WDR7: variants seen among roughly 807,000 people sequenced by gnomAD.
The protein encoded by WDR7 is WD repeat domain 7.
A neutral mutation model predicts 169.4 loss-of-function variants in WDR7; 46 were observed. The observed-to-expected ratio is 0.27, with a 90% CI of 0.21 to 0.35. The LOEUF is 0.35. Among genes scored for constraint, WDR7 ranks in the 10% least tolerant of loss-of-function variants. The pLI, the probability that WDR7 is intolerant of heterozygous loss-of-function variation, is 1.00. For missense variants in WDR7, 1,534 were observed against 1,859.3 expected (o/e 0.83, Z 3.22); for synonymous variants, 612 against 666.8 (o/e 0.92, Z 1.27).
chr18:56,989,407 T>C (rs903333755), intron 26 of WDR7, among the ~76,000 whole-genome samples: 4 of 152,182 alleles, frequency 2.6e-5, no homozygotes, highest in Non-Finnish European at 5.9e-5. Flanking sequence ...ATTAGTTTCT[T>C]TGATGGTCTT....
At chr18:56,942,747 AG>A (rs565922899) in intron 25 of WDR7, among the ~76,000 whole-genome samples, 3 of 152,210 alleles carry the variant, frequency 2.0e-5, no homozygotes, top group Non-Finnish European at 2.9e-5. Flanking sequence ...CCTCACGTTA[AG>A]TAAGGACTTA....
chr18:56,842,154 C>G (rs2045496124), intron 20 of WDR7, among the ~76,000 whole-genome samples: 1 of 152,002 alleles, frequency 6.6e-6, no homozygotes, highest in African/African-American at 2.4e-5. Context: ...TATCTTAGTC[C>G]CTTTTGTGTT....
intron 19 of WDR7, among the ~76,000 whole-genome samples, chr18:56,793,773 C>T (rs1020023222): frequency 2.6e-5 from 4 of 152,162 alleles, no homozygotes; most frequent in Non-Finnish European, 5.9e-5. Flanking sequence ...ACATATTCCT[C>T]TTATATATTT....
intron 7 of WDR7, 82 bp from the exon 8 acceptor site, chr18:56,691,134 T>C: frequency 1.3e-6 from 2 of 1,527,376 alleles, no homozygotes; most frequent in Non-Finnish European, 1.7e-6. Flanking sequence ...TTTCCAGGCT[T>C]TTTTTTTAAA....
chr18:56,820,522 A>G lies in WDR7; in HGVS notation c.3304+4378A>G, dbSNP rs552988160. Among the ~76,000 whole-genome samples the G allele has an allele frequency of 5.3e-5, 8 of 151,998 alleles. No individual in the cohort carries two copies. The East Asian group carries it at 1.5e-3, about 29-fold the overall frequency. ...GCTACATTTTGATTACTCATTCAGG[A>G]GCAAATATATATCTTCCCATTACTC... On this transcript the variant is annotated intron_variant, in intron 20 of 27. Coordinates refer to ENST00000254442, the MANE Select transcript of WDR7 (RefSeq NM_015285.3).
chr18:56,802,441 T>A (rs1001145757), intron 19 of WDR7, among the ~76,000 whole-genome samples: 4 of 152,082 alleles, frequency 2.6e-5, no homozygotes, highest in African/African-American at 9.7e-5. Flanking sequence ...CACTGCAAGC[T>A]CTGCCTCCTG....
chr18:56,878,263 AACAAGTAT>A lies in WDR7; in HGVS notation c.3305-1680_3305-1673del, dbSNP rs560910458. ...AAACTATGCTGAGCTTTGCTCCAGT[AACAAGTAT>A]TTCTTCAAATATCTGATTGCTGTTT... is the stretch of plus-strand genomic sequence containing the variant. On this transcript the variant is annotated intron_variant, in intron 20 of 27. Transcript: ENST00000254442. Among the ~76,000 whole-genome samples, 212 of 152,324 alleles carry A rather than the reference AACAAGTAT, an allele frequency of 1.4e-3. 1 individual carries two copies. The highest frequency in any genetic ancestry group is 4.9e-3 in the African/African-American group (205 of 41,570).
chr18:56,834,204 G>A (rs2045360623), intron 20 of WDR7, among the ~76,000 whole-genome samples: 1 of 152,194 alleles, frequency 6.6e-6, no homozygotes, highest in Non-Finnish European at 1.5e-5. Flanking sequence ...CTAGGTGCCA[G>A]CAAGGTGGAG....
At position 56,770,088 on chromosome 18, in the gene WDR7, CCTT is replaced by C. The variant is rs199791604; in HGVS notation, c.2849-6691_2849-6689del. Among the ~76,000 whole-genome samples the C allele has an allele frequency of 5.1e-4, 77 of 152,238 alleles. 1 individual carries two copies. In the East Asian group the frequency reaches 0.015, roughly 29 times the overall value. ...ACTGAATGAATGAATCTACAGATAA[CCTT>C]CTCTTTATGTTTCTGGAGTCAGTAT... On this transcript the variant is annotated intron_variant, in intron 16 of 27. Coordinates refer to ENST00000254442, the MANE Select transcript of WDR7 (RefSeq NM_015285.3).
intron 3 of WDR7, among the ~76,000 whole-genome samples, chr18:56,680,423 C>T (rs187966260): frequency 6.6e-5 from 10 of 152,068 alleles, no homozygotes; most frequent in Non-Finnish European, 1.3e-4. Context: ...TTCACTGGAA[C>T]AAAAAGAAGC....
chr18:56,708,338 G>GT (rs775073805), intron 12 of WDR7, among the ~76,000 whole-genome samples: 5 of 151,974 alleles, frequency 3.3e-5, no homozygotes, highest in Admixed American at 6.6e-5. Context: ...CTGGCCCAGT[G>GT]TTTATTTCTT....
chr18:56,798,931 G>A (rs2044627345), intron 19 of WDR7, among the ~76,000 whole-genome samples: 1 of 152,178 alleles, frequency 6.6e-6, no homozygotes, highest in Non-Finnish European at 1.5e-5. Context: ...ATCAATGTAT[G>A]TATCACAGCT....
intron 13 of WDR7, among the ~76,000 whole-genome samples, chr18:56,722,390 C>T (rs575404846): frequency 2.0e-5 from 3 of 152,128 alleles, no homozygotes; most frequent in Admixed American, 6.6e-5. Flanking sequence ...GTTTTCTTCA[C>T]GTATTTGACC....
chr18:56,851,407 A>G (rs531469786), intron 20 of WDR7, among the ~76,000 whole-genome samples: 3 of 151,920 alleles, frequency 2.0e-5, no homozygotes, highest in East Asian at 3.9e-4. Context: ...TTCTGAAACG[A>G]TTTTCCTGTC....
At chr18:56,770,780 T>C (rs2044142195) in intron 16 of WDR7, among the ~76,000 whole-genome samples, 1 of 152,162 alleles carries the variant, frequency 6.6e-6, no homozygotes. Context: ...TCTTCTTTTA[T>C]GGTGTTTTAA....
chr18:56,986,674 G>A (rs2047724961), intron 26 of WDR7, among the ~76,000 whole-genome samples: 1 of 151,852 alleles, frequency 6.6e-6, no homozygotes, highest in Non-Finnish European at 1.5e-5. Context: ...CTTCTCAGCT[G>A]ATTTACTTTC....
At chr18:57,024,190 A>G (rs960483488) in intron 27 of WDR7, among the ~76,000 whole-genome samples, 27 of 152,090 alleles carry the variant, frequency 1.8e-4, no homozygotes, top group Non-Finnish European at 7.4e-5. Flanking sequence ...ATGAGTATTT[A>G]CTATCTTTGC....
chr18:56,959,615 C>T (rs2047309265), intron 25 of WDR7, among the ~76,000 whole-genome samples: 1 of 152,122 alleles, frequency 6.6e-6, no homozygotes, highest in South Asian at 2.1e-4. Context: ...GACACCATTT[C>T]CAGAAGGCTC....
At chr18:56,884,112 T>C (rs1427590711) in intron 21 of WDR7, among the ~76,000 whole-genome samples, 1 of 152,218 alleles carries the variant, frequency 6.6e-6, no homozygotes, top group Non-Finnish European at 1.5e-5. Context: ...GTGGTTGTAC[T>C]AGTTTACATT....
Sources: allele counts gnomAD v4.1 joint callset (sites outside exome capture counted in the v4.1 genomes callset), GRCh38; gene constraint gnomAD v4.1.1; transcripts MANE v1.5; gene names NCBI Gene and HGNC (gene_info 2026-07-23, HGNC 2026-07-21).